Variants in GGTA1 observed in about 807,000 individuals in gnomAD.
GGTA1 encodes the protein inactive N-acetyllactosaminide alpha-1,3-galactosyltransferase.
GGTA1 carries 5 observed loss-of-function variants against 2.6 expected under a neutral mutation model. That is an observed-to-expected ratio of 1.92 (90% CI 1.00 to 4.04). The LOEUF is 4.04. GGTA1 is among the 30% of genes most tolerant of loss of function. The probability of loss-of-function intolerance (pLI) is 0.00; values close to 1 mark genes in which losing one functional copy is unlikely to be tolerated. For missense variants in GGTA1, 50 were observed against 16.7 expected, an observed-to-expected ratio of 2.99 and a Z score of -3.47; for synonymous variants, 17 against 5.0, an observed-to-expected ratio of 3.38 and a Z score of -3.19.
intron 2 of GGTA1, among the ~76,000 whole-genome samples, chr9:121,466,109 A>T (rs1436629701): frequency 2.0e-5 from 3 of 152,134 alleles, no homozygotes; most frequent in Non-Finnish European, 4.4e-5. Flanking sequence ...TTGTAGAGAC[A>T]GGGTCTTGCG....
chr9:121,486,787 G>A (rs1181493602), intron 1 of GGTA1, among the ~76,000 whole-genome samples: 2 of 152,196 alleles, frequency 1.3e-5, no homozygotes, highest in Non-Finnish European at 2.9e-5. Flanking sequence ...TTATAAAGTG[G>A]CTAGAATATG....
downstream of GGTA1, among the ~76,000 whole-genome samples, chr9:121,454,477 T>G (rs549303675): frequency 6.6e-6 from 1 of 152,302 alleles, no homozygotes; most frequent in East Asian, 1.9e-4. Context: ...CTGAGGTAGG[T>G]GCTATTTTGA....
chr9:121,480,637 C>T (rs994138528), intron 1 of GGTA1, among the ~76,000 whole-genome samples: 1 of 152,174 alleles, frequency 6.6e-6, no homozygotes, highest in Non-Finnish European at 1.5e-5. Context: ...GCCTCTTCCT[C>T]CCGTTCCCCA....
intron 5 of GGTA1, 125 bp from the exon 6 acceptor site, chr9:121,455,966 G>A (rs962058466): frequency 9.4e-5 from 36 of 384,100 alleles, no homozygotes; most frequent in African/African-American, 7.3e-4. Flanking sequence ...TGACTACAAA[G>A]CCACACAACA....
chr9:121,468,086 A>G (rs1219094616), intron 1 of GGTA1, among the ~76,000 whole-genome samples, 155 bp from the exon 2 acceptor site: 1 of 152,224 alleles, frequency 6.6e-6, no homozygotes, highest in African/African-American at 2.4e-5. Flanking sequence ...CAGGTTTGTT[A>G]CATAGGTATA....
chr9:121,464,853 ATTC>A (rs2064990934), intron 2 of GGTA1, among the ~76,000 whole-genome samples: 1 of 152,164 alleles, frequency 6.6e-6, no homozygotes, highest in African/African-American at 2.4e-5. Flanking sequence ...TTTACTGACA[ATTC>A]TTCTATTTAC....
At chr9:121,449,612 C>T (rs1452520611) in intron 7 of GGTA1, among the ~76,000 whole-genome samples, 8 of 152,112 alleles carry the variant, frequency 5.3e-5, no homozygotes, top group Middle Eastern at 3.4e-3. Context: ...GAGGCCGAGG[C>T]GGGTGGATCA....
At chr9:121,471,868 T>C (rs1408236627) in intron 1 of GGTA1, among the ~76,000 whole-genome samples, 3 of 152,192 alleles carry the variant, frequency 2.0e-5, no homozygotes, top group Non-Finnish European at 2.9e-5. Flanking sequence ...AGCACCAGCA[T>C]TGAGTGCTGG....
intron 1 of GGTA1, among the ~76,000 whole-genome samples, chr9:121,494,217 T>A (rs918327074): frequency 1.3e-5 from 2 of 152,180 alleles, no homozygotes; most frequent in African/African-American, 4.8e-5. Context: ...CTTGTGGATG[T>A]CTGTGTGGGG....
chr9:121,484,335 C>A (rs886344357), intron 1 of GGTA1, among the ~76,000 whole-genome samples: 5 of 152,090 alleles, frequency 3.3e-5, no homozygotes, highest in African/African-American at 4.8e-5. Context: ...GTGGGAGAGT[C>A]ATCTGTTTTT....
chr9:121,448,942 C>A (rs1395444422), intron 7 of GGTA1, among the ~76,000 whole-genome samples: 1 of 152,232 alleles, frequency 6.6e-6, no homozygotes, highest in Admixed American at 6.5e-5. Context: ...AGCATCACTG[C>A]CCTAAAAATT....
intron 1 of GGTA1, among the ~76,000 whole-genome samples, chr9:121,470,841 T>C (rs937112624): frequency 6.6e-6 from 1 of 152,262 alleles, no homozygotes; most frequent in Non-Finnish European, 1.5e-5. Flanking sequence ...GCCATTATTC[T>C]GGAGGTCATA....
In GGTA1 at chr9:121,460,145, A is replaced by G. The variant is rs1045203067; in HGVS notation, c.257T>C (p.Met86Thr). ...KGREETKGRKMTQQSFGYGTG... is the reference protein window; with the variant it reads ...KGREETKGRKTTQQSFGYGTG... ...CCCATAGCCGAAGCTCTGTTGTGTC[A>G]TTTTCCTTCCTTTGGTCTCCTCTCT... Residue 86 changes from methionine (M) to threonine (T), a missense_variant, in exon 5 of 6, where the codon ATG (methionine) becomes ACG (threonine). Transcript: ENST00000481799. 1.3e-5 allele frequency: 6 copies of G among 456,618 alleles called. No individual in the cohort carries two copies. In the Admixed American group the frequency reaches 1.4e-4, roughly 11 times the overall value. The allele number at this position is 456,618 out of a possible 1,614,324, so 28.3% of individuals were successfully genotyped here. A position where few individuals can be genotyped will look rare whatever the true frequency, so the allele number is the denominator to read the frequency against.
Position 121,487,449 on chromosome 9 carries a change from A to G in GGTA1, c.-10+12201T>C, listed in dbSNP as rs546859835. On this transcript the variant is annotated intron_variant, in intron 1 of 5. Transcript: ENST00000481799. ...AAATTAGCCGGGCTTGGTGGTGCGC[A>G]CCTGTAATCCCAGCTACTCAGGAGG... Among the ~76,000 whole-genome samples the G allele has an allele frequency of 9.1e-4, 138 of 151,646 alleles. 1 individual carries two copies. Among genetic ancestry groups the G allele is most frequent in the African/African-American group, 3.2e-3 (131 of 41,340 alleles).
At chr9:121,456,870 C>A (rs986171285) in intron 5 of GGTA1, among the ~76,000 whole-genome samples, 3 of 152,140 alleles carry the variant, frequency 2.0e-5, no homozygotes, top group Non-Finnish European at 4.4e-5. Flanking sequence ...CAGGGTTTCA[C>A]TAAGTTGCCC....
intron 1 of GGTA1, among the ~76,000 whole-genome samples, chr9:121,477,186 T>C (rs556387138): frequency 1.3e-5 from 2 of 152,336 alleles, no homozygotes; most frequent in East Asian, 1.9e-4. Context: ...AACTGTCAAA[T>C]GACTTAGAGA....
chr9:121,497,837 A>C (rs1005877877), intron 1 of GGTA1, among the ~76,000 whole-genome samples: 2 of 152,204 alleles, frequency 1.3e-5, no homozygotes, highest in African/African-American at 4.8e-5. Context: ...AAGGGCCAGA[A>C]GGCAGCCCTG....
intron 1 of GGTA1, among the ~76,000 whole-genome samples, chr9:121,494,265 G>A (rs1450700697): frequency 1.3e-5 from 2 of 152,146 alleles, no homozygotes; most frequent in Non-Finnish European, 2.9e-5. Context: ...AAGGCAATGG[G>A]TCTCCACCCC....
chr9:121,497,009 A>T (rs1829009194), intron 1 of GGTA1, among the ~76,000 whole-genome samples: 1 of 152,108 alleles, frequency 6.6e-6, no homozygotes, highest in Non-Finnish European at 1.5e-5. Flanking sequence ...CCTGGCCAAC[A>T]GGGTGAAACC....
Sources: allele counts gnomAD v4.1 joint callset (sites outside exome capture counted in the v4.1 genomes callset), GRCh38; gene constraint gnomAD v4.1.1; transcripts MANE v1.5; gene names NCBI Gene and HGNC (gene_info 2026-07-23, HGNC 2026-07-21).